Variants in KYAT3 observed in about 807,000 individuals in gnomAD.
The protein encoded by KYAT3 is kynurenine--oxoglutarate transaminase 3.
A neutral mutation model predicts 59.0 loss-of-function variants in KYAT3; 50 were observed. The observed-to-expected ratio is 0.85, with a 90% CI of 0.68 to 1.07. The LOEUF (loss-of-function observed/expected upper bound fraction) is 1.07, where lower values mean the gene tolerates loss of function less well. Ranked by LOEUF, KYAT3 falls within the 50% of genes least tolerant of loss-of-function variation. The pLI is 0.00. For missense variants in KYAT3, 497 were observed against 533.3 expected, an observed-to-expected ratio of 0.93 and a Z score of 0.67; for synonymous variants, 148 against 177.0, an observed-to-expected ratio of 0.84 and a Z score of 1.30.
chr1:88,961,855 T>A (rs1676157605), intron 6 of KYAT3, among the ~76,000 whole-genome samples: 1 of 152,252 alleles, frequency 6.6e-6, no homozygotes, highest in Admixed American at 6.5e-5. Flanking sequence ...TCTGATATTG[T>A]AAGGCTAGCT....
intron 2 of KYAT3, among the ~76,000 whole-genome samples, chr1:88,979,015 C>CA (rs1676938681): frequency 6.6e-6 from 1 of 152,106 alleles, no homozygotes; most frequent in African/African-American, 2.4e-5. Flanking sequence ...GGGGAAGAGA[C>CA]AAGTGCATAA....
rs1320157971 is a variant in KYAT3 at position 88,961,154 on chromosome 1, T to C, written c.787+13A>G. 6.2e-7 allele frequency: 1 copy of C among 1,612,740 alleles called. No homozygotes were observed. Among genetic ancestry groups the C allele is most frequent in the East Asian group, 2.2e-5 (1 of 44,828 alleles). ...ACACATTTAGATATGTGACTCTGTG[T>C]TATAGTTGGTACCTATTTTTAAGTG... On this transcript the variant is annotated intron_variant, in intron 8 of 13. Coordinates refer to ENST00000260508, the MANE Select transcript of KYAT3 (RefSeq NM_001008661.3).
chr1:88,968,739 A>C lies in KYAT3; in HGVS notation c.234T>G (p.Pro78=). 6.2e-7 allele frequency: 1 copy of C among 1,602,562 alleles called. No individual in the cohort carries two copies. Residue 78 remains proline, a synonymous_variant, in exon 4 of 14, where the codon CCT becomes CCG. Transcript: ENST00000260508. ...LGQGFPDISP[P]TYVKEELSKI... ...TTGATAATTCTTCTTTTACATATGT[A>C]GGAGGGGATATATCTGGAAAGCCTT...
chr1:88,979,944 A>G (rs1676996960), intron 2 of KYAT3: 2 of 152,338 alleles, frequency 1.3e-5, no homozygotes, highest in Admixed American at 1.3e-4. Flanking sequence ...TGAGTAGAAA[A>G]ACAAATAATG....
At chr1:88,975,731 T>C (rs958931674) in intron 2 of KYAT3, among the ~76,000 whole-genome samples, 1 of 152,202 alleles carries the variant, frequency 6.6e-6, no homozygotes, top group Non-Finnish European at 1.5e-5. Context: ...ATGACGGTAG[T>C]CCCATAAGAC....
Position 88,962,010 on chromosome 1 carries a change from C to T in KYAT3, c.540+49G>A, listed in dbSNP as rs376660211. On this transcript the variant is annotated intron_variant, in intron 6 of 13. Coordinates refer to ENST00000260508, the MANE Select transcript of KYAT3 (RefSeq NM_001008661.3). ...GACAAAGTAATTGGTATTTTCAAGA[C>T]TTCTTAAGTCTTGAAACTTTGCCAT... 61 of 1,316,186 alleles carry T rather than the reference C, an allele frequency of 4.6e-5. No individual in the cohort carries two copies. In the African/African-American group the frequency reaches 8.6e-4, roughly 18 times the overall value. The allele number at this position is 1,316,186 out of a possible 1,614,324, so 81.5% of individuals were successfully genotyped here. A position where few individuals can be genotyped will look rare whatever the true frequency, so the allele number is the denominator to read the frequency against.
chr1:88,986,639 T>C (rs978425173), intron 2 of KYAT3, among the ~76,000 whole-genome samples: 4 of 152,102 alleles, frequency 2.6e-5, no homozygotes, highest in African/African-American at 9.7e-5. Flanking sequence ...TTAGAGAATA[T>C]GTAAAATGTT....
intron 2 of KYAT3, among the ~76,000 whole-genome samples, chr1:88,987,154 A>G (rs968146436): frequency 6.6e-6 from 1 of 152,246 alleles, no homozygotes. Flanking sequence ...CCAGATATGT[A>G]GAATTAGAAT....
At position 88,953,080 on chromosome 1, in the gene KYAT3, A is replaced by T. The variant is rs1465680907; in HGVS notation, c.937T>A (p.Cys313Ser). 6.2e-7 allele frequency: 1 copy of T among 1,610,012 alleles called. No individual in the cohort carries two copies. Among genetic ancestry groups the T allele is most frequent in the Non-Finnish European group, 8.5e-7 (1 of 1,176,258 alleles). Reference protein sequence around the residue: ...QTVQQNTIYTCATPLQEALAQ... With the variant: ...QTVQQNTIYTSATPLQEALAQ... ...ACACTTACCTGTAAAGGAGTTGCAC[A>T]AGTATAAATCGTGTTTTGTTGAACT... Residue 313 changes from cysteine (C) to serine (S), a missense_variant, in exon 10 of 14, where the codon TGT (cysteine) becomes AGT (serine). By Grantham distance (112) the Cys-to-Ser change is moderately radical. Coordinates refer to ENST00000260508, the MANE Select transcript of KYAT3 (RefSeq NM_001008661.3).
the KYAT3 span, among the ~76,000 whole-genome samples, chr1:88,926,136 G>GT: frequency 1.3e-5 from 2 of 152,212 alleles, no homozygotes; most frequent in African/African-American, 2.4e-5. Flanking sequence ...CAGAACTATC[G>GT]TAAGTCAAAA....
intron 2 of KYAT3, among the ~76,000 whole-genome samples, chr1:88,986,364 G>A (rs1439739992): frequency 6.6e-6 from 1 of 151,312 alleles, no homozygotes; most frequent in Non-Finnish European, 1.5e-5. Flanking sequence ...GGTGGCTCAC[G>A]CCTGTAATCC....
At chr1:88,946,314 A>C (rs1446345846) in intron 11 of KYAT3, among the ~76,000 whole-genome samples, 1 of 127,900 alleles carries the variant, frequency 7.8e-6, no homozygotes, top group Non-Finnish European at 1.6e-5. Context: ...TTTCCCTCCT[A>C]TGTGTAACTG....
At chr1:88,933,298 G>A (rs960762948), downstream of KYAT3, among the ~76,000 whole-genome samples, 4 of 152,156 alleles carry the variant, frequency 2.6e-5, no homozygotes, top group Non-Finnish European at 5.9e-5. Flanking sequence ...GTTCACTGAT[G>A]TAGTAAGTGC....
the KYAT3 span, among the ~76,000 whole-genome samples, chr1:88,929,137 T>C: frequency 6.6e-6 from 1 of 152,040 alleles, no homozygotes; most frequent in Non-Finnish European, 1.5e-5. Context: ...CCAAAGGCAG[T>C]ACCCCCTTAG....
At chr1:88,949,036 T>C in intron 11 of KYAT3, 55 bp downstream of exon 11, 17 of 1,357,088 alleles carry the variant, frequency 1.3e-5, no homozygotes, top group Non-Finnish European at 1.7e-5. Context: ...ATAATTCTGA[T>C]ATAATTTCAC....
chr1:88,945,522 T>A (rs930942008), intron 11 of KYAT3, among the ~76,000 whole-genome samples: 1 of 152,226 alleles, frequency 6.6e-6, no homozygotes, highest in Non-Finnish European at 1.5e-5. Flanking sequence ...ATTCTCTATC[T>A]CCTCTTCTCT....
intron 2 of KYAT3, among the ~76,000 whole-genome samples, chr1:88,986,241 G>C (rs1008631777): frequency 6.6e-6 from 1 of 151,294 alleles, no homozygotes; most frequent in Non-Finnish European, 1.5e-5. Context: ...AGGAAGGACA[G>C]ACCTAAGGAA....
Position 88,935,850 on chromosome 1 carries a change from C to G in KYAT3, c.*333G>C, listed in dbSNP as rs2101007018. The G allele has an allele frequency of 4.9e-6, 2 of 407,644 alleles. No homozygotes were observed. The highest frequency in any genetic ancestry group is 1.3e-3 in the Middle Eastern group (2 of 1,596). 25.3% of individuals were successfully genotyped at this position (407,644 alleles called of 1,614,324 possible). ...TAGTCCATTTAATTCTCAGAAACGA[C>G]CTTCATATGAAACAGGTACTGATTT... On this transcript the variant is annotated 3_prime_UTR_variant, in exon 14 of 14. Transcript: ENST00000260508.
In KYAT3 at chr1:88,968,733, A is replaced by G; in HGVS notation, c.240T>C (p.Tyr80=). The G allele has an allele frequency of 6.2e-7, 1 of 1,600,858 alleles. No individual in the cohort carries two copies. Among genetic ancestry groups the G allele is most frequent in the Non-Finnish European group, 8.5e-7 (1 of 1,176,276 alleles). ...CAATCTTTGATAATTCTTCTTTTAC[A>G]TATGTAGGAGGGGATATATCTGGAA... The part of the protein sequence containing the change: ...QGFPDISPPT[Y]VKEELSKIAA... The change falls in exon 4 of 14, where the codon TAT becomes TAC. Residue 80 remains tyrosine (Y), a synonymous_variant. Coordinates refer to ENST00000260508, the MANE Select transcript of KYAT3 (RefSeq NM_001008661.3).
Sources: allele counts gnomAD v4.1 joint callset (sites outside exome capture counted in the v4.1 genomes callset), GRCh38; gene constraint gnomAD v4.1.1; transcripts MANE v1.5; gene names NCBI Gene and HGNC (gene_info 2026-07-23, HGNC 2026-07-21).